The following AGO1 variants were observed in gnomAD, a reference collection of about 807,000 sequenced individuals.
AGO1 encodes the protein protein argonaute-1.
Under a neutral mutation model 109.2 loss-of-function variants are expected in AGO1, and 11 were observed. The observed-to-expected ratio is 0.10, with a 90% confidence interval of 0.06 to 0.17. The LOEUF is 0.17. Among genes scored for constraint, AGO1 ranks in the 10% least tolerant of loss-of-function variants. The pLI is 1.00. For missense variants in AGO1, 574 were observed against 1,140.3 expected (o/e 0.50, Z 7.15); for synonymous variants, 422 against 418.6 (o/e 1.01, Z -0.10).
chr1:35,878,213 A>G (rs1645007726), upstream of AGO1, among the ~76,000 whole-genome samples: 3 of 151,838 alleles, frequency 2.0e-5, no homozygotes, highest in South Asian at 6.2e-4. Flanking sequence ...CCTCCCGAGC[A>G]GCTGGGACTT....
At position 35,926,140 on chromosome 1, in the gene AGO1, A is replaced by G. The variant is rs970904019; in HGVS notation, c.*6533A>G. 1 of 152,238 alleles carries G rather than the reference A, an allele frequency of 6.6e-6. No individual in the cohort carries two copies. The highest frequency in any genetic ancestry group is 2.4e-5 in the African/African-American group (1 of 41,464). 9.4% of individuals were successfully genotyped at this position (152,238 alleles called of 1,614,324 possible). On this transcript the variant is annotated 3_prime_UTR_variant, in exon 19 of 19. Coordinates refer to ENST00000373204, the MANE Select transcript of AGO1 (RefSeq NM_012199.5). Reference sequence around the variant, plus strand: ...TTATGACTCCGAGTGAGGCAGAAATAAAGAACTTAGCAGGGGGAATAGGAG... The same window carrying G: ...TTATGACTCCGAGTGAGGCAGAAATGAAGAACTTAGCAGGGGGAATAGGAG...
chr1:35,901,626 G>A lies in AGO1; in HGVS notation c.1140+33G>A. On this transcript the variant is annotated intron_variant, in intron 9 of 18. Coordinates refer to ENST00000373204, the MANE Select transcript of AGO1 (RefSeq NM_012199.5). The surrounding 1 kb of genome is among the most constrained non-coding windows in gnomAD (Gnocchi z 4.8). ...GGCCTACTCATTTGCTCAGTCATTG[G>A]GGCCATTGGTAGCATAAATGTTTTA... 1 of 1,613,620 alleles carries A rather than the reference G, an allele frequency of 6.2e-7. No homozygotes were observed. The highest frequency in any genetic ancestry group is 8.5e-7 in the Non-Finnish European group (1 of 1,179,866).
chr1:35,915,458 C>T lies in AGO1; in HGVS notation c.1944C>T (p.Leu648=), dbSNP rs1461384946. 3 of 1,614,052 alleles carry T rather than the reference C, an allele frequency of 1.9e-6. No individual in the cohort carries two copies. In the Admixed American group the frequency reaches 5.0e-5, roughly 27 times the overall value. ...TGTCCTACATGGTGCGTGAGCTCCTCATCCAATTCTACAAGTCCACCCGTT... is the reference window on the plus strand; with the variant it reads ...TGTCCTACATGGTGCGTGAGCTCCTTATCCAATTCTACAAGTCCACCCGTT... ...EDLSYMVREL[L]IQFYKSTRFK... is the part of the protein sequence containing the mutation. Residue 648 remains leucine (L), a synonymous_variant, in exon 15 of 19, where the codon CTC becomes CTT. Coordinates refer to ENST00000373204, the MANE Select transcript of AGO1 (RefSeq NM_012199.5).
rs564987081 is a variant in AGO1 at position 35,920,017 on chromosome 1, A to G, written c.*410A>G. ...GTTTGGGTTTGATACTTTAGATGGG[A>G]AAGTGAGGGGCTTGAGAAAGTGGGT... is the stretch of plus-strand genomic sequence containing the variant. On this transcript the variant is annotated 3_prime_UTR_variant, in exon 19 of 19. Coordinates refer to ENST00000373204, the MANE Select transcript of AGO1 (RefSeq NM_012199.5). 1 of 163,520 alleles carries G rather than the reference A, an allele frequency of 6.1e-6. No individual in the cohort carries two copies. 10.1% of individuals were successfully genotyped at this position (163,520 alleles called of 1,614,324 possible). A position where few individuals can be genotyped will look rare whatever the true frequency, so the allele number is the denominator to read the frequency against.
Position 35,924,898 on chromosome 1 carries a change from A to T in AGO1, c.*5291A>T. The T allele has an allele frequency of 6.6e-6, 1 of 152,308 alleles. No individual in the cohort carries two copies. The allele number at this position is 152,308 out of a possible 1,614,324, so 9.4% of individuals were successfully genotyped here. On this transcript the variant is annotated 3_prime_UTR_variant, in exon 19 of 19. Coordinates refer to ENST00000373204, the MANE Select transcript of AGO1 (RefSeq NM_012199.5). Reference sequence around the variant, plus strand: ...AGTAAACACAGGTTGGTGCTCAGGTAAGACTGTAAAACTGCATTTATAGAT... The same window carrying T: ...AGTAAACACAGGTTGGTGCTCAGGTTAGACTGTAAAACTGCATTTATAGAT...
chr1:35,908,285 T>G (rs947402552), intron 12 of AGO1, among the ~76,000 whole-genome samples: 28 of 152,200 alleles, frequency 1.8e-4, no homozygotes, highest in Non-Finnish European at 3.8e-4. Context: ...GATATTTTCT[T>G]CTATCTCTCC....
rs376919069 is a variant in AGO1, at chr1:35,908,520, C to T, written c.1582+1401C>T. Among the ~76,000 whole-genome samples the T allele has an allele frequency of 9.2e-5, 14 of 152,298 alleles. No individual in the cohort carries two copies. The East Asian group carries it at 1.5e-3, about 17-fold the overall frequency. ...TCCCTCTCTTCAAGAGTTTATTGAT[C>T]ACCTATTATGTATGGAACACTGTCC... is the stretch of plus-strand genomic sequence containing the variant. On this transcript the variant is annotated intron_variant, in intron 12 of 18. Coordinates refer to ENST00000373204, the MANE Select transcript of AGO1 (RefSeq NM_012199.5).
chr1:35,902,080 G>T lies in AGO1; in HGVS notation c.1263+10G>T. ...GCAGTACGGCGGCCGGGTGAGCAGG[G>T]TCAGGGCCAGACAACATCTCGGGGC... On this transcript the variant is annotated intron_variant, in intron 10 of 18. Coordinates refer to ENST00000373204, the MANE Select transcript of AGO1 (RefSeq NM_012199.5). 1 of 1,596,852 alleles carries T rather than the reference G, an allele frequency of 6.3e-7. No individual in the cohort carries two copies. Among genetic ancestry groups the T allele is most frequent in the South Asian group, 1.1e-5 (1 of 88,196 alleles).
At chr1:35,880,518 C>T (rs1304385554), upstream of AGO1, among the ~76,000 whole-genome samples, 1 of 152,126 alleles carries the variant, frequency 6.6e-6, no homozygotes, top group African/African-American at 2.4e-5. Context: ...CCAGATTGTG[C>T]AGCTGCACTA....
At position 35,888,715 on chromosome 1, in the gene AGO1, A is replaced by G; in HGVS notation, c.209+105A>G. ...AGTAGAGGGTAGTATCACCAAATCTAAGGAAGTTTTTGAACGGGAGATGCC... is the reference window on the plus strand; with the variant it reads ...AGTAGAGGGTAGTATCACCAAATCTGAGGAAGTTTTTGAACGGGAGATGCC... On this transcript the variant is annotated intron_variant, in intron 2 of 18. Coordinates refer to ENST00000373204, the MANE Select transcript of AGO1 (RefSeq NM_012199.5). The surrounding 1 kb of genome is among the most constrained non-coding windows in gnomAD (Gnocchi z 4.1). 7.5e-7 allele frequency: 1 copy of G among 1,337,436 alleles called. No individual in the cohort carries two copies. Among genetic ancestry groups the G allele is most frequent in the Non-Finnish European group, 1.0e-6 (1 of 991,860 alleles). 82.8% of individuals were successfully genotyped at this position (1,337,436 alleles called of 1,614,324 possible). A position where few individuals can be genotyped will look rare whatever the true frequency, so the allele number is the denominator to read the frequency against.
In AGO1 at chr1:35,901,170, T is replaced by C. The variant is rs945863484; in HGVS notation, c.1021-304T>C. On this transcript the variant is annotated intron_variant, in intron 8 of 18. Coordinates refer to ENST00000373204, the MANE Select transcript of AGO1 (RefSeq NM_012199.5). This position sits in a 1 kb window ranked among gnomAD's most constrained non-coding sequence, Gnocchi z 4.8. ...TAATTTTTGTATTTTTAGTAGAGAC[T>C]GGGTTGGCCAGGCTGGTCTTGAACT... Among the ~76,000 whole-genome samples, 32 of 152,012 alleles carry C rather than the reference T, an allele frequency of 2.1e-4. No individual in the cohort carries two copies. The highest frequency in any genetic ancestry group is 7.7e-4 in the African/African-American group (32 of 41,484).
At chr1:35,882,621 A>C (rs1261603007), upstream of AGO1, among the ~76,000 whole-genome samples, 1 of 152,178 alleles carries the variant, frequency 6.6e-6, no homozygotes, top group Non-Finnish European at 1.5e-5. The surrounding 1 kb of genome is among the most constrained non-coding windows in gnomAD (Gnocchi z 5.1). Flanking sequence ...GGTCCGGCGG[A>C]TAGAGCTCTG....
chr1:35,902,784 G>T (rs568045680), intron 11 of AGO1, among the ~76,000 whole-genome samples: 12 of 152,116 alleles, frequency 7.9e-5, no homozygotes, highest in Admixed American at 6.5e-5. Context: ...ACATCATCAG[G>T]AAAGTGTCAG....
intron 1 of AGO1, among the ~76,000 whole-genome samples, chr1:35,877,284 T>G (rs1230922641): frequency 1.3e-5 from 2 of 152,210 alleles, no homozygotes; most frequent in African/African-American, 4.8e-5. Flanking sequence ...TTCTCAGTGC[T>G]TCTTCCTTCC....
chr1:35,913,472 G>T (rs1030383977), intron 12 of AGO1, among the ~76,000 whole-genome samples: 1 of 152,184 alleles, frequency 6.6e-6, no homozygotes, highest in African/African-American at 2.4e-5. Context: ...TTCTAGCAGG[G>T]TGCATTTTTG....
chr1:35,913,958 G>A lies in AGO1; in HGVS notation c.1699G>A (p.Val567Ile). 6.2e-7 allele frequency: 1 copy of A among 1,614,068 alleles called. No homozygotes were observed. The highest frequency in any genetic ancestry group is 8.5e-7 in the Non-Finnish European group (1 of 1,180,022). ...GTCCAACCTCTGCCTCAAGATCAATGTCAAACTTGGTGGCATTAACAACAT... is the reference window on the plus strand; with the variant it reads ...GTCCAACCTCTGCCTCAAGATCAATATCAAACTTGGTGGCATTAACAACAT... ...TLSNLCLKIN[V>I]KLGGINNILV... Residue 567 changes from valine to isoleucine, a missense_variant, in exon 13 of 19, where the codon GTC (valine) becomes ATC (isoleucine). This residue lies in a region of AGO1 where 68 missense variants were observed against 200.2 expected (regional missense o/e 0.34). Coordinates refer to ENST00000373204, the MANE Select transcript of AGO1 (RefSeq NM_012199.5).
intron 1 of AGO1, among the ~76,000 whole-genome samples, chr1:35,874,183 G>A (rs1644974906): frequency 6.6e-6 from 1 of 152,108 alleles, no homozygotes; most frequent in South Asian, 2.1e-4. Context: ...TATTGTTTTA[G>A]AGACAGGGTC....
upstream of AGO1, among the ~76,000 whole-genome samples, chr1:35,881,766 C>T (rs934183607): frequency 1.3e-5 from 2 of 152,340 alleles, no homozygotes; most frequent in East Asian, 1.9e-4. Flanking sequence ...AGTTCCCAGC[C>T]TCTGCATGGC....
rs1645792080 is a variant in AGO1, at chr1:35,919,376, C to T, written c.2465+122C>T. The T allele has an allele frequency of 6.8e-7, 1 of 1,460,838 alleles. No homozygotes were observed. The highest frequency in any genetic ancestry group is 2.0e-5 in the Admixed American group (1 of 49,952). 90.5% of individuals were successfully genotyped at this position (1,460,838 alleles called of 1,614,324 possible). On this transcript the variant is annotated intron_variant, in intron 18 of 18. Transcript: ENST00000373204. The surrounding 1 kb of genome is among the most constrained non-coding windows in gnomAD (Gnocchi z 6.6). The stretch of plus-strand genomic sequence containing the variant: ...ATTTGGTGTCATTGGGCTCGTCTGC[C>T]CAATCCTGGGTTGGGTTTCTCTCTT...
Sources: allele counts gnomAD v4.1 joint callset (sites outside exome capture counted in the v4.1 genomes callset), GRCh38; gene constraint gnomAD v4.1.1; regional missense constraint gnomAD v4.1.1; non-coding constraint Gnocchi (gnomAD v3.1); transcripts MANE v1.5; gene names NCBI Gene and HGNC (gene_info 2026-07-23, HGNC 2026-07-21).